Variants in FOXF2 observed in about 807,000 individuals in gnomAD.
The protein encoded by FOXF2 is forkhead box F2, also known as forkhead box protein F2.
Under a neutral mutation model 29.1 loss-of-function variants are expected in FOXF2, and 15 were observed. That is an observed-to-expected ratio of 0.52 (90% CI 0.35 to 0.79). FOXF2 has a LOEUF of 0.79. Ranked by LOEUF, FOXF2 falls within the 30% of genes least tolerant of loss-of-function variation. The pLI, the probability that FOXF2 is intolerant of heterozygous loss-of-function variation, is 0.01. For missense variants in FOXF2, 675 were observed against 667.1 expected, an observed-to-expected ratio of 1.01 and a Z score of -0.13; for synonymous variants, 337 against 316.5, an observed-to-expected ratio of 1.06 and a Z score of -0.69.
chr6:1,391,734 C>G (rs1169674104), intron 1 of FOXF2, among the ~76,000 whole-genome samples: 3 of 151,256 alleles, frequency 2.0e-5, no homozygotes, highest in African/African-American at 7.3e-5. Flanking sequence ...CCTTCCCTGC[C>G]TCCCCCCCCG....
In FOXF2 at chr6:1,390,526, G is replaced by A; in HGVS notation, c.579G>A (p.Pro193=). 1.2e-6 allele frequency: 2 copies of A among 1,609,568 alleles called. No homozygotes were observed. Among genetic ancestry groups the A allele is most frequent in the Non-Finnish European group, 1.7e-6 (2 of 1,179,316 alleles). Residue 193 remains proline, a synonymous_variant, in exon 1 of 2, where the codon CCG becomes CCA. Transcript: ENST00000645481. The surrounding 1 kb of genome is among the most constrained non-coding windows in gnomAD (Gnocchi z 8.5). ...AGGAGGGCTCGTTCCGCCGCCGGCC[G>A]CGCGGCTTCAGGCGGAAGTGCCAGG... The part of the protein sequence containing the change: ...MFEEGSFRRR[P]RGFRRKCQAL...
intron 1 of FOXF2, among the ~76,000 whole-genome samples, chr6:1,393,241 C>G (rs551791434): frequency 2.0e-5 from 3 of 152,114 alleles, no homozygotes; most frequent in Non-Finnish European, 4.4e-5. Context: ...GTCCATGTGC[C>G]CCTGCCGGCG....
At position 1,390,301 on chromosome 6, in the gene FOXF2, C is replaced by G; in HGVS notation, c.354C>G (p.Ser118Arg). The change falls in exon 1 of 2, where the codon AGC becomes AGG. Residue 118 changes from serine (S) to arginine (R), a missense_variant. Around this residue, in one of 3 missense-constraint regions of FOXF2, gnomAD observed 220 missense variants for 205.5 expected, o/e 1.07. Coordinates refer to ENST00000645481, the MANE Select transcript of FOXF2 (RefSeq NM_001452.2). The surrounding 1 kb of genome is among the most constrained non-coding windows in gnomAD (Gnocchi z 8.5). ...TCATGGCCATCCAGAGCTCGCCCAG[C>G]AAGCGCCTGACGCTCAGCGAGATCT... ...LIVMAIQSSP[S>R]KRLTLSEIYQ... 1 of 1,612,990 alleles carries G rather than the reference C, an allele frequency of 6.2e-7. No homozygotes were observed. Among genetic ancestry groups the G allele is most frequent in the Non-Finnish European group, 8.5e-7 (1 of 1,179,864 alleles).
At position 1,394,791 on chromosome 6, in the gene FOXF2, G is replaced by A. The variant is rs1293073177; in HGVS notation, c.1267G>A (p.Ala423Thr). Residue 423 changes from alanine to threonine, a missense_variant, in exon 2 of 2, where the codon GCT becomes ACT. Physicochemically the swap from Ala to Thr is moderately conservative, Grantham distance 58. Around this residue, in one of 3 missense-constraint regions of FOXF2, gnomAD observed 451 missense variants for 437.2 expected, o/e 1.03. Transcript: ENST00000645481. ...FNGISSFHPS[A>T]SGSYYHHHHQ... is the part of the protein sequence containing the mutation. ...TGGGATTTCTTCTTTCCATCCCTCAGCTAGCGGGTCGTATTATCACCATCA... is the reference window on the plus strand; with the variant it reads ...TGGGATTTCTTCTTTCCATCCCTCAACTAGCGGGTCGTATTATCACCATCA... 6.2e-7 allele frequency: 1 copy of A among 1,614,052 alleles called. No homozygotes were observed. Among genetic ancestry groups the A allele is most frequent in the East Asian group, 2.2e-5 (1 of 44,856 alleles).
Position 1,390,851 on chromosome 6 carries a change from G to A in FOXF2, c.904G>A (p.Gly302Ser), listed in dbSNP as rs772037115. ...ACCCGGGGGCGTCGGTGCGGCCGGG[G>A]GCGGCGGCGGCGGCGACTACGGGCC... Reference protein sequence around the residue: ...AGPGGVGAAGGGGGGDYGPDS... With the variant: ...AGPGGVGAAGSGGGGDYGPDS... The change falls in exon 1 of 2, where the codon GGC becomes AGC. Residue 302 changes from glycine (G) to serine (S), a missense_variant. Around this residue, in one of 3 missense-constraint regions of FOXF2, gnomAD observed 451 missense variants for 437.2 expected, o/e 1.03. Coordinates refer to ENST00000645481, the MANE Select transcript of FOXF2 (RefSeq NM_001452.2). This position sits in a 1 kb window ranked among gnomAD's most constrained non-coding sequence, Gnocchi z 8.5. 4.7e-6 allele frequency: 6 copies of A among 1,288,744 alleles called. No individual in the cohort carries two copies. The South Asian group carries it at 9.8e-5, about 21-fold the overall frequency. The allele number at this position is 1,288,744 out of a possible 1,614,324, so 79.8% of individuals were successfully genotyped here. A position where few individuals can be genotyped will look rare whatever the true frequency, so the allele number is the denominator to read the frequency against.
At chr6:1,393,717 C>G (rs930177441) in intron 1 of FOXF2, among the ~76,000 whole-genome samples, 2 of 152,202 alleles carry the variant, frequency 1.3e-5, no homozygotes, top group Non-Finnish European at 2.9e-5. Flanking sequence ...TTATGGTCCC[C>G]ACACCACTCG....
At chr6:1,392,471 CACACA>C (rs1758809001) in intron 1 of FOXF2, among the ~76,000 whole-genome samples, 3 of 151,384 alleles carry the variant, frequency 2.0e-5, no homozygotes, top group East Asian at 4.0e-4. Flanking sequence ...CACACACACA[CACACA>C]CCCCTCGGTG....
intron 1 of FOXF2, among the ~76,000 whole-genome samples, chr6:1,394,021 A>C (rs1758850781): frequency 6.6e-6 from 1 of 152,218 alleles, no homozygotes; most frequent in Non-Finnish European, 1.5e-5. Context: ...CTTCGGACCA[A>C]AGGGCATTTC....
Position 1,390,137 on chromosome 6 carries a change from A to T in FOXF2, c.190A>T (p.Asn64Tyr). Residue 64 changes from asparagine (N) to tyrosine (Y), a missense_variant, in exon 1 of 2, where the codon AAT becomes TAT. Physicochemically the swap from Asn to Tyr is moderately radical, Grantham distance 143. Coordinates refer to ENST00000645481, the MANE Select transcript of FOXF2 (RefSeq NM_001452.2). The surrounding 1 kb of genome is among the most constrained non-coding windows in gnomAD (Gnocchi z 8.5). Reference protein sequence around the residue: ...ASCASSSSSSNSASAPSAACK... With the variant: ...ASCASSSSSSYSASAPSAACK... ...CTGCGCCTCGTCCTCGTCCTCCTCC[A>T]ATTCGGCCAGCGCCCCCTCGGCTGC... 6.9e-7 allele frequency: 1 copy of T among 1,448,758 alleles called. No individual in the cohort carries two copies. The highest frequency in any genetic ancestry group is 2.8e-5 in the East Asian group (1 of 35,192). The allele number at this position is 1,448,758 out of a possible 1,614,324, so 89.7% of individuals were successfully genotyped here. A position where few individuals can be genotyped will look rare whatever the true frequency, so the allele number is the denominator to read the frequency against.
At chr6:1,393,595 T>C (rs1758840486) in intron 1 of FOXF2, among the ~76,000 whole-genome samples, 1 of 152,018 alleles carries the variant, frequency 6.6e-6, no homozygotes, top group African/African-American at 2.4e-5. Flanking sequence ...CGCTCCGGCA[T>C]TGCGGGGACA....
intron 1 of FOXF2, among the ~76,000 whole-genome samples, chr6:1,392,584 A>G (rs893782358): frequency 1.3e-5 from 2 of 151,552 alleles, no homozygotes; most frequent in Non-Finnish European, 2.9e-5. Flanking sequence ...GATCCACTCA[A>G]CTTGAACCCG....
Position 1,390,190 on chromosome 6 carries a change from GGGCGCC to G in FOXF2, c.246_251del (p.Ala83_Gly84del). On this transcript the variant is annotated inframe_deletion, in exon 1 of 2. Coordinates refer to ENST00000645481, the MANE Select transcript of FOXF2 (RefSeq NM_001452.2). The surrounding 1 kb of genome is among the most constrained non-coding windows in gnomAD (Gnocchi z 8.5). ...GCAAGAGCGCGGGCGGCGGCGGCGC[GGGCGCC>G]GGGAGCGGGGGCGCCAAGAAGGCGA... The G allele has an allele frequency of 2.7e-6, 4 of 1,472,452 alleles. No homozygotes were observed. The highest frequency in any genetic ancestry group is 3.6e-6 in the Non-Finnish European group (4 of 1,113,868). 91.2% of individuals were successfully genotyped at this position (1,472,452 alleles called of 1,614,324 possible).
rs746854384 is a variant in FOXF2, at chr6:1,390,742, TCAC to T, written c.814_816del (p.His272del). 3.3e-4 allele frequency: 469 copies of T among 1,412,398 alleles called. 1 individual carries two copies. In the East Asian group the frequency reaches 3.4e-3, roughly 10 times the overall value. The allele number at this position is 1,412,398 out of a possible 1,614,324, so 87.5% of individuals were successfully genotyped here. On this transcript the variant is annotated inframe_deletion, in exon 1 of 2. Coordinates refer to ENST00000645481, the MANE Select transcript of FOXF2 (RefSeq NM_001452.2). The surrounding 1 kb of genome is among the most constrained non-coding windows in gnomAD (Gnocchi z 8.5). The stretch of plus-strand genomic sequence containing the variant: ...CGGGCGCCCCCAGCCACGCGCACCC[TCAC>T]CACCACCACCACCACCACGTCCCGC...
Position 1,390,748 on chromosome 6 carries a change from C to T in FOXF2, c.801C>T (p.His267=), listed in dbSNP as rs980006283. ...AGAPSHAHPH[H]HHHHHVPHMS... ...CCCCCAGCCACGCGCACCCTCACCA[C>T]CACCACCACCACCACGTCCCGCACA... Residue 267 remains histidine (H), a synonymous_variant, in exon 1 of 2, where the codon CAC becomes CAT. Coordinates refer to ENST00000645481, the MANE Select transcript of FOXF2 (RefSeq NM_001452.2). This position sits in a 1 kb window ranked among gnomAD's most constrained non-coding sequence, Gnocchi z 8.5. 7.1e-7 allele frequency: 1 copy of T among 1,409,290 alleles called. No individual in the cohort carries two copies. Among genetic ancestry groups the T allele is most frequent in the Non-Finnish European group, 9.1e-7 (1 of 1,093,610 alleles). 87.3% of individuals were successfully genotyped at this position (1,409,290 alleles called of 1,614,324 possible).
Position 1,390,219 on chromosome 6 carries a change from C to G in FOXF2, c.272C>G (p.Ala91Gly). 2 of 1,570,414 alleles carry G rather than the reference C, an allele frequency of 1.3e-6. No individual in the cohort carries two copies. Among genetic ancestry groups the G allele is most frequent in the South Asian group, 1.2e-5 (1 of 86,414 alleles). ...GCCGGGAGCGGGGGCGCCAAGAAGG[C>G]GAGCTCGGGGCTGCGGCGGCCCGAG... The part of the protein sequence containing the change: ...AGAGSGGAKK[A>G]SSGLRRPEKP... The change falls in exon 1 of 2, where the codon GCG (alanine) becomes GGG (glycine). Residue 91 changes from alanine (A) to glycine (G), a missense_variant. Transcript: ENST00000645481. The surrounding 1 kb of genome is among the most constrained non-coding windows in gnomAD (Gnocchi z 8.5).
rs747033801 is a variant in FOXF2, at chr6:1,390,041, CCCGCCGCCGCCGCCG to C, written c.109_123del (p.Ala37_Ala41del). The C allele has an allele frequency of 3.1e-4, 421 of 1,354,798 alleles. No homozygotes were observed. Among genetic ancestry groups the C allele is most frequent in the Admixed American group, 9.9e-4 (36 of 36,290 alleles). 83.9% of individuals were successfully genotyped at this position (1,354,798 alleles called of 1,614,324 possible). On this transcript the variant is annotated inframe_deletion, in exon 1 of 2. Transcript: ENST00000645481. This position sits in a 1 kb window ranked among gnomAD's most constrained non-coding sequence, Gnocchi z 8.5. ...CCAGGCCGCCCTGATGAGCCCGCCG[CCCGCCGCCGCCGCCG>C]CCGCCGCCGCCGCCCCGGAGACCAC...
In FOXF2 at chr6:1,394,954, TAGCA is replaced by T. The variant is rs1758874546; in HGVS notation, c.*96_*99del. On this transcript the variant is annotated 3_prime_UTR_variant, in exon 2 of 2. Transcript: ENST00000645481. ...CGGATTCAAGTCACATGCACGCGGA[TAGCA>T]GTAAGCCACACACCTGCCACTTAGC... 7.7e-7 allele frequency: 1 copy of T among 1,295,950 alleles called. No individual in the cohort carries two copies. Among genetic ancestry groups the T allele is most frequent in the Non-Finnish European group, 1.1e-6 (1 of 900,102 alleles). 80.3% of individuals were successfully genotyped at this position (1,295,950 alleles called of 1,614,324 possible).
chr6:1,394,166 A>G (rs1185567925), intron 1 of FOXF2, among the ~76,000 whole-genome samples: 1 of 152,140 alleles, frequency 6.6e-6, no homozygotes, highest in Non-Finnish European at 1.5e-5. Flanking sequence ...GTTGTTTTCT[A>G]TCGTCCCCTT....
intron 1 of FOXF2, among the ~76,000 whole-genome samples, chr6:1,392,225 G>A (rs1280559031): frequency 1.3e-5 from 2 of 152,102 alleles, no homozygotes; most frequent in Non-Finnish European, 2.9e-5. Flanking sequence ...TTCCCTGGAC[G>A]GTGAAATTTC....
Sources: gnomAD v4.1 joint callset for allele counts (sites outside exome capture counted in the v4.1 genomes callset) on GRCh38, gnomAD v4.1.1 for gene constraint, gnomAD v4.1.1 regional missense constraint, Gnocchi (gnomAD v3.1) non-coding constraint, MANE v1.5 for transcripts, NCBI Gene and HGNC (gene_info 2026-07-23, HGNC 2026-07-21) for gene names.